Variants in SLC37A1 observed in about 807,000 individuals in gnomAD.
SLC37A1 encodes the protein glucose-6-phosphate exchanger SLC37A1.
SLC37A1 carries 49 observed loss-of-function variants against 75.3 expected under a neutral mutation model. That is an observed-to-expected ratio of 0.65 (90% CI 0.52 to 0.83). The LOEUF (loss-of-function observed/expected upper bound fraction) is 0.83, where lower values mean the gene tolerates loss of function less well. Among genes scored for constraint, SLC37A1 ranks in the 40% least tolerant of loss-of-function variants. The pLI, the probability that SLC37A1 is intolerant of heterozygous loss-of-function variation, is 0.00. For missense variants in SLC37A1, 566 were observed against 695.0 expected (o/e 0.81, Z 2.09); for synonymous variants, 268 against 292.1 (o/e 0.92, Z 0.84).
Position 42,535,582 on chromosome 21 carries a change from T to C in SLC37A1, c.350+32T>C, listed in dbSNP as rs779741120. The C allele has an allele frequency of 1.9e-6, 3 of 1,581,214 alleles. No homozygotes were observed. The Admixed American group carries it at 5.0e-5, about 26-fold the overall frequency. On this transcript the variant is annotated intron_variant, in intron 5 of 19. Transcript: ENST00000352133. ...CTCCTTCAGTTTTCCAGACCCTTCCTGGTTACCTGGCCCCTCCGTGCAGAG... is the reference window on the plus strand; with the variant it reads ...CTCCTTCAGTTTTCCAGACCCTTCCCGGTTACCTGGCCCCTCCGTGCAGAG...
chr21:42,575,641 C>G, intron 18 of SLC37A1: 1 of 985,484 alleles, frequency 1.0e-6, no homozygotes. Flanking sequence ...GTCCCCAGAC[C>G]CACAGCCATG....
At chr21:42,521,270 A>G (rs1265298120) in intron 2 of SLC37A1, among the ~76,000 whole-genome samples, 1 of 152,202 alleles carries the variant, frequency 6.6e-6, no homozygotes, top group Non-Finnish European at 1.5e-5. Context: ...GCCCTCCTGC[A>G]CCTTCTGACG....
chr21:42,558,934 T>G, intron 10 of SLC37A1, 24 bp from the exon 11 acceptor site: 2 of 1,613,608 alleles, frequency 1.2e-6, no homozygotes. Flanking sequence ...CTTTCCTTTT[T>G]GTTCCCAATG....
At chr21:42,575,474 G>GC in intron 18 of SLC37A1, 2 of 985,424 alleles carry the variant, frequency 2.0e-6, no homozygotes, top group Non-Finnish European at 2.4e-6. Context: ...TCTGGCTTCT[G>GC]CCCCCTTTTC....
intron 9 of SLC37A1, among the ~76,000 whole-genome samples, chr21:42,553,416 A>G (rs1284242301): frequency 6.6e-6 from 1 of 152,232 alleles, no homozygotes; most frequent in East Asian, 1.9e-4. Flanking sequence ...TTATTTTTAT[A>G]CCATTAATTA....
chr21:42,509,994 C>T (rs900772896), upstream of SLC37A1, among the ~76,000 whole-genome samples: 1 of 152,220 alleles, frequency 6.6e-6, no homozygotes, highest in Admixed American at 6.5e-5. The surrounding 1 kb of genome is among the most constrained non-coding windows in gnomAD (Gnocchi z 4.2). Context: ...AGAATGTCTG[C>T]TCCTTAAGTT....
At chr21:42,557,976 G>T (rs964477295) in intron 10 of SLC37A1, among the ~76,000 whole-genome samples, 5 of 152,082 alleles carry the variant, frequency 3.3e-5, no homozygotes, top group South Asian at 2.1e-4. Flanking sequence ...TTGAGACAGG[G>T]TCTTGCCCGG....
Position 42,562,150 on chromosome 21 carries a change from C to G in SLC37A1, c.1054C>G (p.Leu352Val). The change falls in exon 12 of 20, where the codon CTG becomes GTG. Residue 352 changes from leucine (L) to valine (V), a missense_variant. By Grantham distance (32) the Leu-to-Val change is conservative (BLOSUM62 1). Transcript: ENST00000352133. ...VSYTFLFWLP[L>V]YITNVDHLDA... is the part of the protein sequence containing the mutation. ...CTATACTTTCCTCTTCTGGCTGCCC[C>G]TGTACATCACGAATGTGGGTGAGTA... is the stretch of plus-strand genomic sequence containing the variant. 1.2e-6 allele frequency: 2 copies of G among 1,614,204 alleles called. No homozygotes were observed. The highest frequency in any genetic ancestry group is 1.7e-6 in the Non-Finnish European group (2 of 1,180,022).
At chr21:42,524,047 G>A (rs925806341) in intron 2 of SLC37A1, among the ~76,000 whole-genome samples, 1 of 152,108 alleles carries the variant, frequency 6.6e-6, no homozygotes, top group East Asian at 1.9e-4. Context: ...ATGTAGATGC[G>A]CAGCTGGGAG....
intron 2 of SLC37A1, among the ~76,000 whole-genome samples, chr21:42,522,215 T>C (rs1179100938): frequency 6.6e-6 from 1 of 152,230 alleles, no homozygotes; most frequent in East Asian, 1.9e-4. Context: ...TAAGGTCACG[T>C]TCTGAGGTTT....
chr21:42,541,231 C>T (rs986423413), intron 6 of SLC37A1, among the ~76,000 whole-genome samples: 3 of 152,208 alleles, frequency 2.0e-5, no homozygotes, highest in African/African-American at 4.8e-5. Flanking sequence ...GGAGCTCAGG[C>T]GGCAATGCTT....
rs534976565 is a variant in SLC37A1 at position 42,514,421 on chromosome 21, ATT to A, written c.-474_-473del. On this transcript the variant is annotated 5_prime_UTR_variant, in exon 1 of 20. Transcript: ENST00000352133. This position sits in a 1 kb window ranked among gnomAD's most constrained non-coding sequence, Gnocchi z 4.8. ...GAGCCGGCAGGAGGGGACCCTGCGC[ATT>A]GTCTGCCGCGATGGGGACGTGGGCG... The A allele has an allele frequency of 3.3e-3, 499 of 152,156 alleles. 3 individuals are homozygous for A. Among genetic ancestry groups the A allele is most frequent in the African/African-American group, 0.011 (470 of 41,528 alleles). 9.4% of individuals were successfully genotyped at this position (152,156 alleles called of 1,614,324 possible).
chr21:42,553,495 GC>G (rs1264012427), intron 9 of SLC37A1, among the ~76,000 whole-genome samples: 2 of 152,174 alleles, frequency 1.3e-5, no homozygotes, highest in Non-Finnish European at 2.9e-5. Context: ...TTATTCTAGT[GC>G]CCAAGAAACT....
chr21:42,503,839 G>T (rs891794317), intron 2 of SLC37A1, among the ~76,000 whole-genome samples: 8 of 152,164 alleles, frequency 5.3e-5, no homozygotes, highest in African/African-American at 1.7e-4. Context: ...AAGCCAGAAA[G>T]GTTTTAAACT....
At chr21:42,515,221 G>A (rs1055338455) in intron 1 of SLC37A1, among the ~76,000 whole-genome samples, 1 of 151,770 alleles carries the variant, frequency 6.6e-6, no homozygotes, top group Non-Finnish European at 1.5e-5. Flanking sequence ...GCCTTTAAAA[G>A]CAAAAAGCCA....
chr21:42,556,455 G>A (rs375826030), intron 10 of SLC37A1, among the ~76,000 whole-genome samples: 7 of 152,230 alleles, frequency 4.6e-5, no homozygotes, highest in African/African-American at 1.2e-4. Flanking sequence ...AGACAGCATC[G>A]GGTAGCGGGG....
At chr21:42,565,905 C>A in intron 15 of SLC37A1, 30 bp downstream of exon 15, 1 of 1,605,000 alleles carries the variant, frequency 6.2e-7, no homozygotes, top group Non-Finnish European at 8.5e-7. Context: ...TGCTTTTCTT[C>A]CACACACGTT....
At position 42,557,624 on chromosome 21, in the gene SLC37A1, G is replaced by A. The variant is rs2055725080; in HGVS notation, c.850-1334G>A. ...GAAGCCGGGCTTCCTGGGGCACGTA[G>A]ACGCTGGGCTGCCCCCAAGGCCACC... On this transcript the variant is annotated intron_variant, in intron 10 of 19. Coordinates refer to ENST00000352133, the MANE Select transcript of SLC37A1 (RefSeq NM_001320537.2). 4.6e-5 allele frequency among the ~76,000 whole-genome samples: 7 copies of A among 152,362 alleles called. No individual in the cohort carries two copies. The South Asian group carries it at 1.4e-3, about 32-fold the overall frequency.
chr21:42,517,873 C>G (rs1042939714), intron 1 of SLC37A1, among the ~76,000 whole-genome samples: 1 of 152,188 alleles, frequency 6.6e-6, no homozygotes, highest in South Asian at 2.1e-4. Context: ...TCAAAGGTGG[C>G]CTGGTCCATA....
Sources: allele counts gnomAD v4.1 joint callset (sites outside exome capture counted in the v4.1 genomes callset), GRCh38; gene constraint gnomAD v4.1.1; non-coding constraint Gnocchi (gnomAD v3.1); transcripts MANE v1.5; gene names NCBI Gene and HGNC (gene_info 2026-07-23, HGNC 2026-07-21).